The following SPMIP2 variants were observed in gnomAD, a reference collection of about 807,000 sequenced individuals.
SPMIP2 encodes the protein protein SPMIP2.
chr4:158,979,799 T>TTG, the SPMIP2 span, among the ~76,000 whole-genome samples: 1 of 144,674 alleles, frequency 6.9e-6, no homozygotes, highest in East Asian at 2.0e-4. Flanking sequence ...GTTTTTTTTT[T>TTG]TTTTTTTTTT....
chr4:159,026,195 T>C, the SPMIP2 span: 7 of 463,336 alleles, frequency 1.5e-5, no homozygotes, highest in Non-Finnish European at 2.5e-5. Flanking sequence ...GTGAAGGAAC[T>C]AGGAGTGGGA....
the SPMIP2 span, among the ~76,000 whole-genome samples, chr4:159,011,713 C>A: frequency 7.1e-6 from 1 of 141,708 alleles, no homozygotes; most frequent in African/African-American, 2.7e-5. Flanking sequence ...AAGATTGCAC[C>A]ATTGCACTCC....
chr4:158,975,169 CTT>C, the SPMIP2 span, among the ~76,000 whole-genome samples: 1 of 151,498 alleles, frequency 6.6e-6, no homozygotes. Context: ...TTTCTTGTGA[CTT>C]TAAGTTCCTT....
chr4:158,928,027 G>A, the SPMIP2 span, among the ~76,000 whole-genome samples: 1 of 152,314 alleles, frequency 6.6e-6, no homozygotes, highest in African/African-American at 2.4e-5. Context: ...TCCTCAATGA[G>A]CGCCGCCCCC....
At chr4:158,893,315 C>T in the SPMIP2 span, 1 of 175,050 alleles carries the variant, frequency 5.7e-6, no homozygotes, top group African/African-American at 2.4e-5. Flanking sequence ...ACTTCCTAAC[C>T]ATGTACTCTT....
At chr4:158,903,638 A>C in the SPMIP2 span, among the ~76,000 whole-genome samples, 1 of 152,168 alleles carries the variant, frequency 6.6e-6, no homozygotes, top group Non-Finnish European at 1.5e-5. Flanking sequence ...GGCCAGTAGC[A>C]CTAAAAGTAC....
chr4:159,033,163 A>G, the SPMIP2 span, among the ~76,000 whole-genome samples: 2 of 152,226 alleles, frequency 1.3e-5, no homozygotes, highest in African/African-American at 4.8e-5. Flanking sequence ...GAGAAGCCTT[A>G]AAATGATATT....
At chr4:159,017,827 T>C in the SPMIP2 span, among the ~76,000 whole-genome samples, 6 of 151,990 alleles carry the variant, frequency 3.9e-5, no homozygotes, top group African/African-American at 1.5e-4. Context: ...CAAGCCAATG[T>C]GGGTTTGAGA....
At chr4:159,052,995 C>T in the SPMIP2 span, among the ~76,000 whole-genome samples, 1 of 121,744 alleles carries the variant, frequency 8.2e-6, no homozygotes, top group Non-Finnish European at 1.7e-5. Flanking sequence ...CTCGCTCTGT[C>T]GCCCAGGCTG....
At chr4:159,044,908 A>T in the SPMIP2 span, among the ~76,000 whole-genome samples, 1 of 152,192 alleles carries the variant, frequency 6.6e-6, no homozygotes, top group Non-Finnish European at 1.5e-5. Context: ...CCTAGCCAAC[A>T]TGGTGAAACC....
chr4:159,079,769 A>G, the SPMIP2 span, among the ~76,000 whole-genome samples: 1 of 152,148 alleles, frequency 6.6e-6, no homozygotes, highest in African/African-American at 2.4e-5. Context: ...TTTACTTTTA[A>G]TCACCTTTTG....
chr4:158,925,245 T>C, the SPMIP2 span, among the ~76,000 whole-genome samples: 3 of 152,254 alleles, frequency 2.0e-5, no homozygotes, highest in Admixed American at 6.5e-5. Context: ...AAATTTTCTC[T>C]TTATTCTTGA....
chr4:159,019,481 C>A, the SPMIP2 span, among the ~76,000 whole-genome samples: 1 of 152,018 alleles, frequency 6.6e-6, no homozygotes, highest in Non-Finnish European at 1.5e-5. Flanking sequence ...CTTATAGATG[C>A]GGGAACTTTG....
At chr4:159,025,211 C>T in the SPMIP2 span, among the ~76,000 whole-genome samples, 64 of 152,314 alleles carry the variant, frequency 4.2e-4, 1 homozygote, top group East Asian at 0.012. Context: ...GTCGCACAGG[C>T]TGGAGTGCAG....
chr4:159,050,491 A>C, the SPMIP2 span, among the ~76,000 whole-genome samples: 1 of 152,246 alleles, frequency 6.6e-6, no homozygotes, highest in African/African-American at 2.4e-5. Flanking sequence ...ATAAATGTAA[A>C]CAGCATTTTA....
the SPMIP2 span, among the ~76,000 whole-genome samples, chr4:159,008,204 T>C: frequency 2.6e-5 from 4 of 152,248 alleles, no homozygotes; most frequent in African/African-American, 9.6e-5. Flanking sequence ...CAGTTTCATA[T>C]ACCTGTTATT....
At chr4:158,919,335 T>C in the SPMIP2 span, among the ~76,000 whole-genome samples, 274 of 152,342 alleles carry the variant, frequency 1.8e-3, 1 homozygote, top group African/African-American at 6.2e-3. Context: ...CGTGTTACAT[T>C]AGTTTTTATG....
At chr4:159,046,676 G>A in the SPMIP2 span, among the ~76,000 whole-genome samples, 2 of 152,112 alleles carry the variant, frequency 1.3e-5, no homozygotes, top group African/African-American at 2.4e-5. Context: ...TGGTTCCAGC[G>A]ATTCTCCTGC....
At chr4:158,911,498 A>G in the SPMIP2 span, among the ~76,000 whole-genome samples, 3 of 152,220 alleles carry the variant, frequency 2.0e-5, no homozygotes, top group Admixed American at 2.0e-4. Flanking sequence ...AACCACATGT[A>G]CTTCCCCAAA....
Sources: gnomAD v4.1 joint callset for allele counts (sites outside exome capture counted in the v4.1 genomes callset) on GRCh38, gnomAD v4.1.1 for gene constraint, MANE v1.5 for transcripts, NCBI Gene and HGNC (gene_info 2026-07-23, HGNC 2026-07-21) for gene names.